TENM1: variants seen among roughly 807,000 people sequenced by gnomAD.
TENM1 encodes teneurin transmembrane protein 1, also known as teneurin-1.
A neutral mutation model predicts 174.8 loss-of-function variants in TENM1; 35 were observed. The observed-to-expected ratio is 0.20, with a 90% CI of 0.15 to 0.27. The LOEUF (loss-of-function observed/expected upper bound fraction) is 0.27, where lower values mean the gene tolerates loss of function less well. TENM1 is among the 10% of genes least tolerant of loss of function. The probability of loss-of-function intolerance (pLI) is 1.00; values close to 1 mark genes in which losing one functional copy is unlikely to be tolerated. For synonymous variants in TENM1, 781 were observed against 798.7 expected (o/e 0.98, Z 0.37); for missense variants, 1,633 against 2,130.1 (o/e 0.77, Z 4.59).
chrX:124,782,563 C>A (rs1187194147), intron 3 of TENM1, among the ~76,000 whole-genome samples: 1 of 109,112 alleles, frequency 9.2e-6, no homozygotes, highest in South Asian at 4.1e-4. Flanking sequence ...TGGAATACAT[C>A]CCCTTCCTTC....
chrX:124,530,018 T>G, intron 15 of TENM1, 35 bp from the exon 19 acceptor site: 8 of 1,189,553 alleles, frequency 6.7e-6, no homozygotes, highest in Non-Finnish European at 9.0e-6. Flanking sequence ...CAGAAAAGCA[T>G]GTTGAGACTA....
At chrX:124,529,167 A>T (rs2048049184) in intron 16 of TENM1, among the ~76,000 whole-genome samples, 1 of 112,025 alleles carries the variant, frequency 8.9e-6, no homozygotes, top group Non-Finnish European at 1.9e-5. Context: ...AGTCATAAAT[A>T]GGTACCTTTA....
At chrX:125,158,219 A>G in the TENM1 span, among the ~76,000 whole-genome samples, 1 of 109,210 alleles carries the variant, frequency 9.2e-6, no homozygotes, top group East Asian at 2.9e-4. Context: ...CCTGGCCAAC[A>G]TGGTGAAACC....
chrX:124,816,423 C>A (rs1448868515), intron 3 of TENM1, among the ~76,000 whole-genome samples: 1 of 111,929 alleles, frequency 8.9e-6, no homozygotes, highest in Admixed American at 9.5e-5. Context: ...TCTTTAAGCA[C>A]TTGCTTTTGG....
chrX:124,896,262 G>A (rs1310234453), intron 1 of TENM1, 21 bp from the exon 5 acceptor site: 1 of 1,193,270 alleles, frequency 8.4e-7, no homozygotes, highest in Non-Finnish European at 1.1e-6. Context: ...ACAAAGTTCA[G>A]AGAAAACGTT....
chrX:124,939,146 G>A (rs2058288440), intron 1 of TENM1, among the ~76,000 whole-genome samples: 2 of 111,881 alleles, frequency 1.8e-5, no homozygotes, highest in Admixed American at 1.9e-4. Context: ...AATAAGAAAG[G>A]ACATTACAAC....
intron 4 of TENM1, among the ~76,000 whole-genome samples, chrX:124,732,912 G>C (rs142386612): frequency 7.4e-4 from 83 of 112,047 alleles, no homozygotes; most frequent in African/African-American, 2.6e-3. Context: ...ATTGACCAGA[G>C]TTTCCCGCGT....
At chrX:125,094,183 T>C in the TENM1 span, among the ~76,000 whole-genome samples, 1 of 112,334 alleles carries the variant, frequency 8.9e-6, no homozygotes, top group South Asian at 3.8e-4. Context: ...ATATCATCTA[T>C]TGAATTTGTT....
At chrX:125,080,018 G>A in the TENM1 span, among the ~76,000 whole-genome samples, 3 of 110,208 alleles carry the variant, frequency 2.7e-5, no homozygotes, top group Non-Finnish European at 3.8e-5. Flanking sequence ...ACTGATTGCC[G>A]CAGCTCTGAT....
At chrX:125,193,270 G>A in the TENM1 span, among the ~76,000 whole-genome samples, 13 of 112,457 alleles carry the variant, frequency 1.2e-4, no homozygotes, top group African/African-American at 3.9e-4. Context: ...GTAATCAAAC[G>A]TGAATCAAAA....
At chrX:124,641,676 A>G (rs1219507139) in intron 11 of TENM1, 115 bp downstream of exon 14, 1 of 652,871 alleles carries the variant, frequency 1.5e-6, no homozygotes, top group African/African-American at 2.2e-5. Flanking sequence ...CATACCTGGA[A>G]ACCTCTTAGG....
intron 14 of TENM1, among the ~76,000 whole-genome samples, chrX:124,556,144 C>T (rs766458556): frequency 3.3e-4 from 37 of 111,559 alleles, no homozygotes; most frequent in African/African-American, 1.1e-3. Context: ...AAGAGGTGGA[C>T]GAGGTCCAGT....
chrX:124,480,484 T>C (rs1450256919), intron 22 of TENM1, among the ~76,000 whole-genome samples: 1 of 112,326 alleles, frequency 8.9e-6, no homozygotes, highest in Admixed American at 9.4e-5. Context: ...TCACTACATT[T>C]ATTGGCATGG....
intron 5 of TENM1, among the ~76,000 whole-genome samples, chrX:124,691,464 G>A (rs1489210366): frequency 2.7e-5 from 3 of 112,145 alleles, no homozygotes; most frequent in East Asian, 5.6e-4. Context: ...TCAAACTGAC[G>A]ATTCAAAAGC....
chrX:124,580,166 G>A (rs115169275), intron 11 of TENM1, among the ~76,000 whole-genome samples: 1,215 of 111,219 alleles, frequency 0.011, 13 homozygotes, highest in African/African-American at 0.037. Context: ...TCAAAGTAAC[G>A]ACATAAAAAA....
chrX:124,779,456 A>C (rs2054857061), intron 3 of TENM1, among the ~76,000 whole-genome samples: 1 of 111,880 alleles, frequency 8.9e-6, no homozygotes, highest in African/African-American at 3.2e-5. Context: ...TTTTCTTTTA[A>C]TGTCATGTTT....
chrX:124,683,376 C>T, intron 5 of TENM1, among the ~76,000 whole-genome samples: 1 of 111,999 alleles, frequency 8.9e-6, no homozygotes, highest in Middle Eastern at 4.6e-3. Flanking sequence ...ACATTTAGTA[C>T]TGAAGTAATT....
chrX:124,856,036 G>GT (rs1266347462), intron 3 of TENM1, among the ~76,000 whole-genome samples: 21 of 108,161 alleles, frequency 1.9e-4, no homozygotes, highest in African/African-American at 5.0e-4. Context: ...GTTTCAGTTT[G>GT]TTTTTTTTTA....
intron 4 of TENM1, among the ~76,000 whole-genome samples, chrX:124,715,549 G>T (rs898137849): frequency 2.7e-5 from 3 of 111,259 alleles, no homozygotes; most frequent in Non-Finnish European, 5.7e-5. Context: ...CTTTATACAG[G>T]AGGGGGTAGT....
Sources: allele counts gnomAD v4.1 joint callset (sites outside exome capture counted in the v4.1 genomes callset), GRCh38; gene constraint gnomAD v4.1.1; transcripts MANE v1.5; gene names NCBI Gene and HGNC (gene_info 2026-07-23, HGNC 2026-07-21).